Variants in MGRN1 observed in about 807,000 individuals in gnomAD.
The protein encoded by MGRN1 is E3 ubiquitin-protein ligase MGRN1.
In MGRN1, 29 loss-of-function variants were observed where a neutral mutation model predicts 69.2. The observed-to-expected ratio is 0.42, with a 90% CI of 0.31 to 0.57. MGRN1 has a LOEUF of 0.57. Among genes scored for constraint, MGRN1 ranks in the 20% least tolerant of loss-of-function variants. The probability of loss-of-function intolerance (pLI) is 0.15; values close to 1 mark genes in which losing one functional copy is unlikely to be tolerated. For synonymous variants in MGRN1, 470 were observed against 344.2 expected (o/e 1.37, Z -4.04); for missense variants, 998 against 796.2 (o/e 1.25, Z -3.05).
intron 11 of MGRN1, among the ~76,000 whole-genome samples, chr16:4,678,377 A>T (rs1468833026): frequency 6.6e-6 from 1 of 152,238 alleles, no homozygotes; most frequent in Non-Finnish European, 1.5e-5. Flanking sequence ...GGCGAGAGAG[A>T]GGTGGAGAGA....
rs1388180670 is a variant in MGRN1, at chr16:4,625,014, G to C, written c.54G>C (p.Gln18His). 10 of 1,558,126 alleles carry C rather than the reference G, an allele frequency of 6.4e-6. No homozygotes were observed. The highest frequency in any genetic ancestry group is 8.7e-6 in the Non-Finnish European group (10 of 1,154,814). The change falls in exon 1 of 17, where the codon CAG becomes CAC. Residue 18 changes from glutamine (Q) to histidine (H), a missense_variant. Coordinates refer to ENST00000262370, the MANE Select transcript of MGRN1 (RefSeq NM_015246.4). ...CGGGGGTGGAGGACATCGACATCCA[G>C]GCGAACTCGGCCTATCGCTACCCTC... Reference protein sequence around the residue: ...RIAGVEDIDIQANSAYRYPPK... With the variant: ...RIAGVEDIDIHANSAYRYPPK...
At chr16:4,634,467 C>T (rs1336669427) in intron 1 of MGRN1, 1 of 152,476 alleles carries the variant, frequency 6.6e-6, no homozygotes. Flanking sequence ...GTGAGGCTCT[C>T]TAGCTTTGCG....
At chr16:4,652,880 G>A in intron 4 of MGRN1, 56 bp downstream of exon 4, 2 of 1,523,414 alleles carry the variant, frequency 1.3e-6, no homozygotes, top group East Asian at 4.8e-5. Context: ...ACTCCTGGGG[G>A]AGGCTTCTGT....
In MGRN1 at chr16:4,688,935, G is replaced by GC. The variant is rs2141996049; in HGVS notation, c.*30dup. 2 of 1,525,704 alleles carry GC rather than the reference G, an allele frequency of 1.3e-6. No homozygotes were observed. Among genetic ancestry groups the GC allele is most frequent in the Non-Finnish European group, 8.8e-7 (1 of 1,129,960 alleles). 94.5% of individuals were successfully genotyped at this position (1,525,704 alleles called of 1,614,324 possible). ...AGCCTGGCCGAGCTGGCAGCATGGA[G>GC]CCCTCGGCTCCCCAGACTTTGCCGA... On this transcript the variant is annotated 3_prime_UTR_variant, in exon 17 of 17. Coordinates refer to ENST00000262370, the MANE Select transcript of MGRN1 (RefSeq NM_015246.4).
intron 6 of MGRN1, 115 bp from the exon 7 acceptor site, chr16:4,664,987 T>C (rs1365330863): frequency 7.7e-7 from 1 of 1,298,248 alleles, no homozygotes. Context: ...CAGGACTCTA[T>C]GGACTCTGTG....
At chr16:4,642,979 A>G (rs1481570799) in intron 1 of MGRN1, among the ~76,000 whole-genome samples, 2 of 119,004 alleles carry the variant, frequency 1.7e-5, no homozygotes, top group Non-Finnish European at 3.3e-5. Context: ...TTGTTTTGAG[A>G]CAGTCCCACT....
chr16:4,679,274 G>T (rs2079123058), intron 11 of MGRN1, among the ~76,000 whole-genome samples: 2 of 152,224 alleles, frequency 1.3e-5, no homozygotes, highest in Admixed American at 1.3e-4. Flanking sequence ...CCCTGTTTGT[G>T]TTCTGGTGGC....
chr16:4,641,186 A>C (rs1389976378), intron 1 of MGRN1, among the ~76,000 whole-genome samples: 1 of 152,048 alleles, frequency 6.6e-6, no homozygotes, highest in Non-Finnish European at 1.5e-5. Flanking sequence ...GCACGCACAC[A>C]CCACATGTGT....
chr16:4,678,663 G>C (rs1405589499), intron 11 of MGRN1, among the ~76,000 whole-genome samples: 1 of 152,216 alleles, frequency 6.6e-6, no homozygotes, highest in African/African-American at 2.4e-5. Context: ...ACAGTGACTG[G>C]TTGGGCCCGG....
chr16:4,631,377 T>C (rs1897993268), intron 1 of MGRN1, among the ~76,000 whole-genome samples: 1 of 152,344 alleles, frequency 6.6e-6, no homozygotes, highest in South Asian at 2.1e-4. Flanking sequence ...AGGGTTTATT[T>C]TGGGACTCTC....
intron 9 of MGRN1, among the ~76,000 whole-genome samples, chr16:4,673,127 C>T (rs568749984): frequency 9.2e-5 from 14 of 152,330 alleles, no homozygotes; most frequent in South Asian, 4.1e-4. Context: ...CGTGAGCCAC[C>T]GCGCCTGACC....
intron 8 of MGRN1, chr16:4,669,067 GAC>G (rs149227464): frequency 5.9e-5 from 9 of 151,858 alleles, no homozygotes; most frequent in South Asian, 2.1e-4. Context: ...CTTATATATA[GAC>G]ACACACACAC....
At chr16:4,677,633 C>G (rs1056225282) in intron 11 of MGRN1, 61 bp downstream of exon 11, 13 of 1,504,490 alleles carry the variant, frequency 8.6e-6, no homozygotes, top group Non-Finnish European at 1.2e-5. Flanking sequence ...CTGGGCCAGG[C>G]GCAAGGCCCA....
At chr16:4,626,504 C>T (rs1162686011) in intron 1 of MGRN1, among the ~76,000 whole-genome samples, 1 of 152,214 alleles carries the variant, frequency 6.6e-6, no homozygotes, top group African/African-American at 2.4e-5. Context: ...GATGCTTATA[C>T]AGCCCTCAGA....
At chr16:4,641,514 A>G (rs1016178866) in intron 1 of MGRN1, among the ~76,000 whole-genome samples, 1 of 134,376 alleles carries the variant, frequency 7.4e-6, no homozygotes, top group African/African-American at 2.9e-5. Context: ...GTGCCTGGCT[A>G]CTTTTTTTTT....
At chr16:4,643,952 A>T (rs1321958182) in intron 1 of MGRN1, among the ~76,000 whole-genome samples, 1 of 151,556 alleles carries the variant, frequency 6.6e-6, no homozygotes, top group African/African-American at 2.4e-5. Context: ...AAATGATTTC[A>T]GCCTCAATGC....
intron 1 of MGRN1, among the ~76,000 whole-genome samples, chr16:4,626,106 C>A (rs1361914900): frequency 9.2e-5 from 14 of 152,226 alleles, no homozygotes. Flanking sequence ...TACGTCCACT[C>A]AGGTTTGAAA....
At chr16:4,645,862 G>T (rs1370248809) in intron 1 of MGRN1, among the ~76,000 whole-genome samples, 1 of 152,194 alleles carries the variant, frequency 6.6e-6, no homozygotes, top group Non-Finnish European at 1.5e-5. Flanking sequence ...GGGGACCCAG[G>T]GGATGTGGGG....
At chr16:4,643,403 A>ATTTTTTTTTTT in intron 1 of MGRN1, among the ~76,000 whole-genome samples, 1 of 109,838 alleles carries the variant, frequency 9.1e-6, no homozygotes, top group Non-Finnish European at 1.8e-5. Flanking sequence ...GCCTTGCTTG[A>ATTTTTTTTTTT]TTTTTTTTTT....
Sources: allele counts gnomAD v4.1 joint callset (sites outside exome capture counted in the v4.1 genomes callset), GRCh38; gene constraint gnomAD v4.1.1; transcripts MANE v1.5; gene names NCBI Gene and HGNC (gene_info 2026-07-23, HGNC 2026-07-21).